CLASP1: variants seen among roughly 807,000 people sequenced by gnomAD.
CLASP1 encodes the protein CLIP-associating protein 1.
CLASP1 carries 38 observed loss-of-function variants against 192.3 expected under a neutral mutation model. The observed-to-expected ratio is 0.20, with a 90% CI of 0.15 to 0.26. The LOEUF is 0.26. Ranked by LOEUF, CLASP1 falls within the 10% of genes least tolerant of loss-of-function variation. The probability of loss-of-function intolerance (pLI) is 1.00; values close to 1 mark genes in which losing one functional copy is unlikely to be tolerated. For synonymous variants in CLASP1, 691 were observed against 712.8 expected (o/e 0.97, Z 0.49); for missense variants, 1,433 against 1,932.5 (o/e 0.74, Z 4.85).
At chr2:121,454,046 G>A (rs1336792772) in intron 14 of CLASP1, among the ~76,000 whole-genome samples, 1 of 152,156 alleles carries the variant, frequency 6.6e-6, no homozygotes, top group Non-Finnish European at 1.5e-5. Context: ...AAATTGGTGA[G>A]GGTGGCGGCA....
intron 28 of CLASP1, among the ~76,000 whole-genome samples, chr2:121,400,098 T>C (rs1469857442): frequency 1.3e-5 from 2 of 152,186 alleles, no homozygotes; most frequent in Non-Finnish European, 2.9e-5. Flanking sequence ...AATCCACTGG[T>C]ATAATGGTGT....
chr2:121,363,425 T>A (rs541690176), intron 36 of CLASP1, 125 bp from the exon 38 acceptor site: 1 of 1,060,308 alleles, frequency 9.4e-7, no homozygotes, highest in African/African-American at 1.6e-5. Context: ...CAGAACCCTC[T>A]AAACAGATCA....
In CLASP1 at chr2:121,582,237, G is replaced by A. The variant is rs140539181; in HGVS notation, c.195+23464C>T. ...AAAGGGAAGTGAGGGAGCAGAGGGA[G>A]GGAAGGAGGACAGGACAGGACAGAA... On this transcript the variant is annotated intron_variant, in intron 2 of 39. Coordinates refer to ENST00000263710, the Ensembl canonical transcript of CLASP1. 4.6e-3 allele frequency among the ~76,000 whole-genome samples: 697 copies of A among 151,318 alleles called. 4 individuals are homozygous for A. The highest frequency in any genetic ancestry group is 0.024 in the Middle Eastern group (7 of 294).
At chr2:121,407,323 C>A (rs778798666) in intron 25 of CLASP1, 148 bp downstream of exon 26, 93 of 834,168 alleles carry the variant, frequency 1.1e-4, no homozygotes, top group Admixed American at 1.7e-4. Flanking sequence ...ATCTTGGTAC[C>A]TTTAGTGCCT....
At chr2:121,494,218 A>G (rs1184703628) in intron 8 of CLASP1, among the ~76,000 whole-genome samples, 17 of 152,228 alleles carry the variant, frequency 1.1e-4, no homozygotes, top group Admixed American at 6.5e-5. Context: ...TCAACAGGAG[A>G]AGGAATAAAG....
At chr2:121,433,746 A>G (rs2081867314) in intron 19 of CLASP1, among the ~76,000 whole-genome samples, 1 of 152,180 alleles carries the variant, frequency 6.6e-6, no homozygotes, top group Non-Finnish European at 1.5e-5. Flanking sequence ...ACAAAGTGAG[A>G]CTCTGTCTCA....
chr2:121,428,932 A>G (rs1249820530), intron 20 of CLASP1, among the ~76,000 whole-genome samples: 2 of 152,186 alleles, frequency 1.3e-5, no homozygotes, highest in East Asian at 3.8e-4. Context: ...TGGCTCACAA[A>G]GGTTAAAAGA....
At chr2:121,426,392 A>G (rs2080384664) in intron 21 of CLASP1, among the ~76,000 whole-genome samples, 1 of 152,218 alleles carries the variant, frequency 6.6e-6, no homozygotes, top group Non-Finnish European at 1.5e-5. Flanking sequence ...CTAAAAAATG[A>G]TAAAAGTACA....
chr2:121,363,896 G>A (rs1379935560), intron 36 of CLASP1, among the ~76,000 whole-genome samples: 4 of 152,054 alleles, frequency 2.6e-5, no homozygotes, highest in South Asian at 4.1e-4. Context: ...AAAAGAGAAC[G>A]TAGTTTACAC....
intron 26 of CLASP1, 103 bp downstream of exon 27, chr2:121,404,268 G>C (rs1032802216): frequency 3.3e-6 from 5 of 1,528,710 alleles, no homozygotes; most frequent in Middle Eastern, 1.7e-4. Context: ...TGTAAGGTCG[G>C]AACTGCACTA....
chr2:121,502,392 A>G (rs1208614188), intron 8 of CLASP1, among the ~76,000 whole-genome samples: 1 of 152,234 alleles, frequency 6.6e-6, no homozygotes, highest in Admixed American at 6.5e-5. Flanking sequence ...GCGTTCCCTC[A>G]GAACCCTGGA....
chr2:121,633,712 G>C (rs2070241300), intron 1 of CLASP1, among the ~76,000 whole-genome samples: 1 of 152,026 alleles, frequency 6.6e-6, no homozygotes, highest in Admixed American at 6.6e-5. Flanking sequence ...AAAAATGGAA[G>C]ACAACAAAAC....
At chr2:121,557,492 G>C (rs2058677447) in intron 2 of CLASP1, among the ~76,000 whole-genome samples, 1 of 151,686 alleles carries the variant, frequency 6.6e-6, no homozygotes, top group Non-Finnish European at 1.5e-5. Context: ...GCTGAGGCAG[G>C]AGAATCGCTT....
At chr2:121,532,614 TC>T (rs1423018165) in intron 2 of CLASP1, 1 of 152,084 alleles carries the variant, frequency 6.6e-6, no homozygotes, top group African/African-American at 2.4e-5. Context: ...CTCAAAACTG[TC>T]CAGGTCATCA....
chr2:121,531,057 A>C (rs74330734), intron 2 of CLASP1: 9 of 696,540 alleles, frequency 1.3e-5, no homozygotes, highest in Non-Finnish European at 2.4e-5. Flanking sequence ...AGTAATTCGT[A>C]AATAAACTAG....
intron 1 of CLASP1, among the ~76,000 whole-genome samples, chr2:121,641,181 G>C (rs1026337944): frequency 6.6e-6 from 1 of 152,052 alleles, no homozygotes; most frequent in African/African-American, 2.4e-5. Flanking sequence ...CTATACAACA[G>C]GCCTCTGTTA....
chr2:121,623,186 C>A (rs943652045), intron 1 of CLASP1, among the ~76,000 whole-genome samples: 3 of 152,148 alleles, frequency 2.0e-5, no homozygotes, highest in African/African-American at 7.2e-5. Flanking sequence ...CAAAGATGGC[C>A]TTTATCACAC....
At chr2:121,341,715 G>A (rs1448495473) in intron 39 of CLASP1, among the ~76,000 whole-genome samples, 1 of 152,114 alleles carries the variant, frequency 6.6e-6, no homozygotes, top group African/African-American at 2.4e-5. Context: ...CTCAATAATG[G>A]ATAAAAGAAC....
intron 8 of CLASP1, among the ~76,000 whole-genome samples, chr2:121,498,525 C>T (rs962859260): frequency 6.6e-6 from 1 of 152,096 alleles, no homozygotes; most frequent in Admixed American, 6.5e-5. Context: ...GCAATAGTTT[C>T]TTAGGTATGA....
Sources: gnomAD v4.1 joint callset for allele counts (sites outside exome capture counted in the v4.1 genomes callset) on GRCh38, gnomAD v4.1.1 for gene constraint, MANE v1.5 for transcripts, NCBI Gene and HGNC (gene_info 2026-07-23, HGNC 2026-07-21) for gene names.